The following EVC2 variants were observed in gnomAD, a reference collection of about 807,000 sequenced individuals.
EVC2 encodes the protein limbin.
EVC2 carries 148 observed loss-of-function variants against 149.3 expected under a neutral mutation model. That is an observed-to-expected ratio of 0.99 (90% CI 0.87 to 1.14). The LOEUF is 1.14. EVC2 is among the 50% of genes most tolerant of loss of function. The pLI, the probability that EVC2 is intolerant of heterozygous loss-of-function variation, is 0.00. For synonymous variants in EVC2, 776 were observed against 649.9 expected (o/e 1.19, Z -2.95); for missense variants, 1,854 against 1,627.3 (o/e 1.14, Z -2.40).
At position 5,708,469 on chromosome 4, in the gene EVC2, G is replaced by A. The variant is rs1285560156; in HGVS notation, c.45C>T (p.Ala15=). The A allele has an allele frequency of 2.0e-6, 3 of 1,502,588 alleles. No homozygotes were observed. Among genetic ancestry groups the A allele is most frequent in the Admixed American group, 2.1e-5 (1 of 47,826 alleles). The allele number at this position is 1,502,588 out of a possible 1,614,324, so 93.1% of individuals were successfully genotyped here. Residue 15 remains alanine, a synonymous_variant, in exon 1 of 22, where the codon GCC becomes GCT. Coordinates refer to ENST00000344408, the MANE Select transcript of EVC2 (RefSeq NM_147127.5). ...GSRGRPTWVL[A]GGLLAVALAL... is the part of the protein sequence containing the mutation. Reference sequence around the variant, plus strand: ...CCAGGGCCACTGCCAGGAGACCCCCGGCCAGCACCCACGTGGGGCGCCCCC... The same window carrying A: ...CCAGGGCCACTGCCAGGAGACCCCCAGCCAGCACCCACGTGGGGCGCCCCC...
chr4:5,656,142 G>A (rs1421913554), intron 9 of EVC2, among the ~76,000 whole-genome samples: 2 of 152,172 alleles, frequency 1.3e-5, no homozygotes, highest in Non-Finnish European at 2.9e-5. Context: ...AAACAGCCAG[G>A]AAGCACCAGA....
At chr4:5,687,898 T>C (rs926575161) in intron 5 of EVC2, among the ~76,000 whole-genome samples, 1 of 152,122 alleles carries the variant, frequency 6.6e-6, no homozygotes, top group Non-Finnish European at 1.5e-5. Context: ...GACTCCACAA[T>C]GGACTGATAT....
At position 5,613,724 on chromosome 4, in the gene EVC2, G is replaced by GTA. The variant is rs143750156; in HGVS notation, c.2829+1696_2829+1697dup. Among the ~76,000 whole-genome samples, 25,596 of 152,004 alleles carry GTA rather than the reference G, an allele frequency of 0.17. 5,156 individuals are homozygous for GTA. Among genetic ancestry groups the GTA allele is most frequent in the African/African-American group, 0.49 (20,197 of 41,330 alleles). ...GAAGCCCAGTGGCTCTCACATTGAT[G>GTA]TATATCTCTTGAATTAGCCTTTAAC... On this transcript the variant is annotated intron_variant, in intron 16 of 21. Transcript: ENST00000344408. The surrounding 1 kb of genome is among the most constrained non-coding windows in gnomAD (Gnocchi z 4.6).
chr4:5,565,975 T>C (rs922112527), intron 20 of EVC2, among the ~76,000 whole-genome samples: 1 of 152,206 alleles, frequency 6.6e-6, no homozygotes, highest in African/African-American at 2.4e-5. Flanking sequence ...CTGACTTATA[T>C]ACTGGCTGCC....
At chr4:5,694,250 A>T in intron 3 of EVC2, 85 bp downstream of exon 3, 1 of 1,453,844 alleles carries the variant, frequency 6.9e-7, no homozygotes, top group Non-Finnish European at 9.6e-7. Flanking sequence ...AAGCAACAAA[A>T]ACCCGTGCCA....
the EVC2 span, among the ~76,000 whole-genome samples, chr4:5,532,295 C>T: frequency 4.8e-3 from 738 of 152,276 alleles, 5 homozygotes; most frequent in African/African-American, 0.017. Context: ...AGGCTTTCAA[C>T]TGATTGGACG....
At position 5,601,828 on chromosome 4, in the gene EVC2, C is replaced by T. The variant is rs377629647; in HGVS notation, c.2829+13594G>A. ...GGAGTGAAGGGAATTCACAGTGTGA[C>T]CCCAAGATGGCAGCTGTGCATGAGG... On this transcript the variant is annotated intron_variant, in intron 16 of 21. Coordinates refer to ENST00000344408, the MANE Select transcript of EVC2 (RefSeq NM_147127.5). Among the ~76,000 whole-genome samples, 16 of 152,272 alleles carry T rather than the reference C, an allele frequency of 1.1e-4. No homozygotes were observed. The South Asian group carries it at 3.3e-3, about 32-fold the overall frequency.
chr4:5,641,690 GAAAAC>G (rs1361721850), intron 9 of EVC2, among the ~76,000 whole-genome samples: 2 of 152,120 alleles, frequency 1.3e-5, no homozygotes, highest in Non-Finnish European at 2.9e-5. Flanking sequence ...AAATACATCT[GAAAAC>G]AAAGACAAAT....
chr4:5,672,558 T>G (rs1398760247), intron 7 of EVC2, among the ~76,000 whole-genome samples: 3 of 151,712 alleles, frequency 2.0e-5, no homozygotes, highest in Non-Finnish European at 4.4e-5. Flanking sequence ...TTGATGGGGG[T>G]TCAACTCTTA....
the EVC2 span, among the ~76,000 whole-genome samples, chr4:5,536,323 T>C: frequency 6.6e-6 from 1 of 152,200 alleles, no homozygotes. Context: ...CCACCTAATG[T>C]GCTTATTTAT....
At chr4:5,553,274 A>T (rs1456126073) in intron 21 of EVC2, among the ~76,000 whole-genome samples, 2 of 152,084 alleles carry the variant, frequency 1.3e-5, no homozygotes, top group Non-Finnish European at 2.9e-5. Context: ...AAACAAACAG[A>T]TCTTGCGAGC....
At chr4:5,654,171 G>A (rs750195766) in intron 9 of EVC2, among the ~76,000 whole-genome samples, 1 of 152,122 alleles carries the variant, frequency 6.6e-6, no homozygotes, top group Non-Finnish European at 1.5e-5. Context: ...CCAAGATTGT[G>A]CCACGGCACT....
chr4:5,568,123 C>G (rs1722412834), intron 20 of EVC2, among the ~76,000 whole-genome samples: 1 of 152,104 alleles, frequency 6.6e-6, no homozygotes, highest in African/African-American at 2.4e-5. Flanking sequence ...ACTTGTAAAA[C>G]CCAGCAGAGA....
intron 1 of EVC2, among the ~76,000 whole-genome samples, chr4:5,706,333 G>C (rs796751249): frequency 9.6e-6 from 1 of 104,460 alleles, no homozygotes; most frequent in African/African-American, 4.2e-5. Flanking sequence ...TAGATAGATA[G>C]ATAGATACAT....
intron 10 of EVC2, among the ~76,000 whole-genome samples, chr4:5,638,930 G>GA (rs1018337823): frequency 2.0e-5 from 3 of 150,438 alleles, no homozygotes; most frequent in Non-Finnish European, 2.9e-5. Flanking sequence ...TTATATAACA[G>GA]AAAAAAATTC....
chr4:5,540,420 C>G (rs747054254), downstream of EVC2, among the ~76,000 whole-genome samples: 1 of 152,168 alleles, frequency 6.6e-6, no homozygotes, highest in Non-Finnish European at 1.5e-5. Flanking sequence ...CAACCTAGAC[C>G]GACCCAGATT....
chr4:5,588,486 C>A (rs957049264), intron 16 of EVC2, among the ~76,000 whole-genome samples: 1 of 152,148 alleles, frequency 6.6e-6, no homozygotes, highest in Non-Finnish European at 1.5e-5. Flanking sequence ...ATGTTTTCAT[C>A]CTTCTTTTTC....
rs368440559 is a variant in EVC2, at chr4:5,707,134, T to C, written c.228+1152A>G. 2.1e-3 allele frequency among the ~76,000 whole-genome samples: 314 copies of C among 152,246 alleles called. 1 individual carries two copies. The highest frequency in any genetic ancestry group is 7.1e-3 in the African/African-American group (295 of 41,544). On this transcript the variant is annotated intron_variant, in intron 1 of 21. Transcript: ENST00000344408. ...GGACAGGCCTGGGGACGCGGCTCCC[T>C]GAGCCTTGGTTTTGTCACCTGCAAA...
intron 9 of EVC2, among the ~76,000 whole-genome samples, chr4:5,649,140 GC>G (rs1254267571): frequency 6.6e-6 from 1 of 152,182 alleles, no homozygotes; most frequent in African/African-American, 2.4e-5. Flanking sequence ...TGAGTCTGGG[GC>G]ATCTTTACTA....
Sources: allele counts gnomAD v4.1 joint callset (sites outside exome capture counted in the v4.1 genomes callset), GRCh38; gene constraint gnomAD v4.1.1; non-coding constraint Gnocchi (gnomAD v3.1); transcripts MANE v1.5; gene names NCBI Gene and HGNC (gene_info 2026-07-23, HGNC 2026-07-21).